RPS6KA2: variants seen among roughly 807,000 people sequenced by gnomAD.
RPS6KA2 encodes ribosomal protein S6 kinase A2, also known as ribosomal protein S6 kinase alpha-2.
RPS6KA2 carries 42 observed loss-of-function variants against 91.8 expected under a neutral mutation model. The observed-to-expected ratio is 0.46, with a 90% confidence interval of 0.36 to 0.59. The LOEUF is 0.59. Ranked by LOEUF, RPS6KA2 falls within the 20% of genes least tolerant of loss-of-function variation. The pLI is 0.00. For synonymous variants in RPS6KA2, 414 were observed against 393.6 expected, an observed-to-expected ratio of 1.05 and a Z score of -0.61; for missense variants, 798 against 978.5, an observed-to-expected ratio of 0.82 and a Z score of 2.46.
At position 166,495,705 on chromosome 6, in the gene RPS6KA2, G is replaced by A. The variant is rs956626567; in HGVS notation, c.747+2803C>T. Among the ~76,000 whole-genome samples the A allele has an allele frequency of 9.9e-5, 15 of 152,186 alleles. No individual in the cohort carries two copies. Among genetic ancestry groups the A allele is most frequent in the Non-Finnish European group, 1.6e-4 (11 of 68,040 alleles). On this transcript the variant is annotated intron_variant, in intron 8 of 20. Transcript: ENST00000265678. The surrounding 1 kb of genome is among the most constrained non-coding windows in gnomAD (Gnocchi z 4.4). ...GTGACTGGTGTTTAAGAAACTCCACGTGCCAGGAGACACTCACAGAGACAG... is the reference window on the plus strand; with the variant it reads ...GTGACTGGTGTTTAAGAAACTCCACATGCCAGGAGACACTCACAGAGACAG...
chr6:166,530,113 A>G (rs1348913589), intron 3 of RPS6KA2, among the ~76,000 whole-genome samples: 1 of 152,212 alleles, frequency 6.6e-6, no homozygotes, highest in Non-Finnish European at 1.5e-5. Context: ...GCAGAGAATG[A>G]TATATTTGTA....
intron 2 of RPS6KA2, among the ~76,000 whole-genome samples, chr6:166,680,997 C>CT (rs1337170876): frequency 5.3e-5 from 8 of 152,216 alleles, no homozygotes; most frequent in African/African-American, 9.7e-5. Context: ...GAGGACTGCT[C>CT]TTTTTTAACA....
intron 2 of RPS6KA2, among the ~76,000 whole-genome samples, chr6:166,707,491 G>A (rs1789715116): frequency 6.6e-6 from 1 of 152,238 alleles, no homozygotes; most frequent in Non-Finnish European, 1.5e-5. Context: ...TGGGGAAGTG[G>A]CAGAGGAATG....
At chr6:166,676,934 G>A (rs778041672) in intron 2 of RPS6KA2, among the ~76,000 whole-genome samples, 1 of 152,196 alleles carries the variant, frequency 6.6e-6, no homozygotes, top group Non-Finnish European at 1.5e-5. Flanking sequence ...ACTGAGAAAG[G>A]ATTTCTTTAA....
At chr6:166,651,468 C>T (rs2128554300) in intron 2 of RPS6KA2, among the ~76,000 whole-genome samples, 1 of 152,228 alleles carries the variant, frequency 6.6e-6, no homozygotes, top group East Asian at 1.9e-4. Flanking sequence ...GTTTGTAATA[C>T]CCAGTGGGCT....
At chr6:166,706,874 T>C (rs1789695233) in intron 2 of RPS6KA2, among the ~76,000 whole-genome samples, 1 of 152,232 alleles carries the variant, frequency 6.6e-6, no homozygotes, top group Admixed American at 6.5e-5. Flanking sequence ...ATTTTGACAG[T>C]TGTGCTAGAG....
chr6:166,837,084 C>A (rs1439289566), intron 2 of RPS6KA2, among the ~76,000 whole-genome samples: 1 of 152,224 alleles, frequency 6.6e-6, no homozygotes, highest in African/African-American at 2.4e-5. Flanking sequence ...CTCTTCACTG[C>A]GTGCCCCGCC....
intron 2 of RPS6KA2, among the ~76,000 whole-genome samples, chr6:166,764,052 G>A (rs759649076): frequency 1.3e-5 from 2 of 152,222 alleles, no homozygotes; most frequent in Non-Finnish European, 2.9e-5. Context: ...GGGGAGTTGT[G>A]AGCGTGAGGA....
chr6:166,762,321 G>T (rs935013002), intron 2 of RPS6KA2, among the ~76,000 whole-genome samples: 2 of 152,106 alleles, frequency 1.3e-5, no homozygotes, highest in Non-Finnish European at 2.9e-5. Context: ...CCTTAGCACC[G>T]TTCAAAGCAA....
chr6:166,463,639 G>A (rs537120863), intron 11 of RPS6KA2: 1 of 152,228 alleles, frequency 6.6e-6, no homozygotes, highest in South Asian at 2.1e-4. Flanking sequence ...ACGGGAACTG[G>A]GTGATGACAT....
intron 2 of RPS6KA2, among the ~76,000 whole-genome samples, chr6:166,715,971 G>C (rs1789998049): frequency 6.6e-6 from 1 of 150,550 alleles, no homozygotes. Context: ...CCTGGAGGTG[G>C]AGGTTGCAGT....
At chr6:166,520,848 G>A (rs35302651) in intron 3 of RPS6KA2, among the ~76,000 whole-genome samples, 12,448 of 152,272 alleles carry the variant, frequency 0.082, 640 homozygotes, top group East Asian at 0.17. Context: ...AGCCGGCAGC[G>A]ATTCTCCAAG....
chr6:166,524,981 A>AGC (rs1491543166), intron 3 of RPS6KA2, among the ~76,000 whole-genome samples: 1 of 152,142 alleles, frequency 6.6e-6, no homozygotes, highest in Non-Finnish European at 1.5e-5. Flanking sequence ...CAACCAACTT[A>AGC]GAGTCTCCCA....
intron 1 of RPS6KA2, among the ~76,000 whole-genome samples, chr6:166,860,790 T>C (rs1290382429): frequency 6.6e-6 from 1 of 152,190 alleles, no homozygotes; most frequent in African/African-American, 2.4e-5. Context: ...ACTAATTCAA[T>C]ATTTAGAAAA....
intron 2 of RPS6KA2, among the ~76,000 whole-genome samples, chr6:166,745,896 T>C (rs1790992977): frequency 1.3e-5 from 2 of 152,112 alleles, no homozygotes; most frequent in Admixed American, 6.5e-5. Flanking sequence ...AGAGACTAAT[T>C]TGGAAAAGAG....
intron 12 of RPS6KA2, among the ~76,000 whole-genome samples, chr6:166,457,513 A>C (rs1036883617): frequency 1.6e-4 from 25 of 152,236 alleles, no homozygotes; most frequent in African/African-American, 6.0e-4. Flanking sequence ...GCCTCATTAC[A>C]TCATGAATCA....
chr6:166,419,487 C>T lies in RPS6KA2; in HGVS notation c.1820+395G>A, dbSNP rs772847933. On this transcript the variant is annotated intron_variant, in intron 18 of 20. Transcript: ENST00000265678. This position sits in a 1 kb window ranked among gnomAD's most constrained non-coding sequence, Gnocchi z 5.6. ...CCGGCCCGTGCATGACTCATGACCA[C>T]GAAACCCAGGTACAGATGCTGTTTG... 4.6e-5 allele frequency among the ~76,000 whole-genome samples: 7 copies of T among 152,158 alleles called. No individual in the cohort carries two copies. The highest frequency in any genetic ancestry group is 1.0e-4 in the Non-Finnish European group (7 of 68,034).
chr6:166,686,507 C>T (rs557100019), intron 2 of RPS6KA2, among the ~76,000 whole-genome samples: 86 of 152,336 alleles, frequency 5.6e-4, no homozygotes, highest in African/African-American at 2.0e-3. Flanking sequence ...ACATGCTCTG[C>T]ACCCAAGGCC....
intron 19 of RPS6KA2, among the ~76,000 whole-genome samples, chr6:166,417,035 G>A (rs188084085): frequency 1.3e-5 from 2 of 152,352 alleles, no homozygotes; most frequent in Admixed American, 1.3e-4. Context: ...AGCTGTTGGT[G>A]CTGCTTACCA....
Sources: allele counts gnomAD v4.1 joint callset (sites outside exome capture counted in the v4.1 genomes callset), GRCh38; gene constraint gnomAD v4.1.1; non-coding constraint Gnocchi (gnomAD v3.1); transcripts MANE v1.5; gene names NCBI Gene and HGNC (gene_info 2026-07-23, HGNC 2026-07-21).